GLIS1: variants seen among roughly 807,000 people sequenced by gnomAD.
GLIS1 encodes the protein zinc finger protein GLIS1.
GLIS1 carries 24 observed loss-of-function variants against 63.8 expected under a neutral mutation model. The ratio of observed to expected loss-of-function variants is 0.38; its 90% CI spans 0.27 to 0.53. The LOEUF (loss-of-function observed/expected upper bound fraction) is 0.53. Among genes scored for constraint, GLIS1 ranks in the 20% least tolerant of loss-of-function variants. GLIS1 has a pLI of 0.85. For missense variants in GLIS1, 1,036 were observed against 1,074.1 expected, an observed-to-expected ratio of 0.96 and a Z score of 0.50; for synonymous variants, 450 against 482.5, an observed-to-expected ratio of 0.93 and a Z score of 0.88.
rs1410653337 is a variant in GLIS1, at chr1:53,562,799, G to A, written c.1320+31309C>T. On this transcript the variant is annotated intron_variant, in intron 4 of 10. Coordinates refer to ENST00000628545, the MANE Select transcript of GLIS1 (RefSeq NM_001367484.1). ...ACAGAGCCAGATCTGCGGGAGACAC[G>A]AATGAAATGATGCATGCAAAGCACT... 2.6e-5 allele frequency among the ~76,000 whole-genome samples: 4 copies of A among 152,182 alleles called. No individual in the cohort carries two copies. The East Asian group carries it at 5.8e-4, about 22-fold the overall frequency.
At chr1:53,550,781 G>T in intron 4 of GLIS1, among the ~76,000 whole-genome samples, 1 of 152,122 alleles carries the variant, frequency 6.6e-6, no homozygotes, top group East Asian at 1.9e-4. Flanking sequence ...GAGAAGTGAG[G>T]TGCTTCATCC....
chr1:53,716,702 C>A lies in GLIS1; in HGVS notation c.259+21104G>T, dbSNP rs1646701827. Among the ~76,000 whole-genome samples, 6 of 151,770 alleles carry A rather than the reference C, an allele frequency of 4.0e-5. No homozygotes were observed. In the South Asian group the frequency reaches 1.2e-3, roughly 32 times the overall value. ...TCAAAGAAACCCTCCAAAAACAGATCAAAAAGACAAAGAGCTAGGTATTAT... is the reference window on the plus strand; with the variant it reads ...TCAAAGAAACCCTCCAAAAACAGATAAAAAAGACAAAGAGCTAGGTATTAT... On this transcript the variant is annotated intron_variant, in intron 2 of 10. Coordinates refer to ENST00000628545, the MANE Select transcript of GLIS1 (RefSeq NM_001367484.1).
chr1:53,733,622 A>C (rs1646885633), intron 2 of GLIS1, among the ~76,000 whole-genome samples: 1 of 152,222 alleles, frequency 6.6e-6, no homozygotes, highest in African/African-American at 2.4e-5. Flanking sequence ...TATTTCCGCT[A>C]CATGTCTATA....
intron 4 of GLIS1, among the ~76,000 whole-genome samples, chr1:53,592,562 G>A (rs1220423464): frequency 6.6e-6 from 1 of 152,230 alleles, no homozygotes; most frequent in Non-Finnish European, 1.5e-5. Flanking sequence ...CCTGCGCGCT[G>A]TCTATTGGTC....
At chr1:53,705,512 T>G (rs1302299357) in intron 2 of GLIS1, among the ~76,000 whole-genome samples, 1 of 152,212 alleles carries the variant, frequency 6.6e-6, no homozygotes, top group Non-Finnish European at 1.5e-5. Context: ...CTTCTGCTCC[T>G]ATAAAACAAC....
intron 2 of GLIS1, among the ~76,000 whole-genome samples, chr1:53,635,300 C>T (rs1645712226): frequency 6.6e-6 from 1 of 151,794 alleles, no homozygotes; most frequent in Non-Finnish European, 1.5e-5. Flanking sequence ...GTCCTCTGGC[C>T]ACATGTGAAA....
At chr1:53,668,216 T>C (rs1455169348) in intron 2 of GLIS1, among the ~76,000 whole-genome samples, 1 of 152,240 alleles carries the variant, frequency 6.6e-6, no homozygotes, top group Non-Finnish European at 1.5e-5. Flanking sequence ...ATATGATGCT[T>C]AGCAGCATCA....
At chr1:53,531,727 C>T (rs1387704954) in intron 4 of GLIS1, among the ~76,000 whole-genome samples, 1 of 152,230 alleles carries the variant, frequency 6.6e-6, no homozygotes, top group East Asian at 1.9e-4. Flanking sequence ...TGTGGCCACA[C>T]AGAGGAGATG....
At chr1:53,587,794 C>G (rs148895506) in intron 4 of GLIS1, among the ~76,000 whole-genome samples, 1 of 152,194 alleles carries the variant, frequency 6.6e-6, no homozygotes, top group Non-Finnish European at 1.5e-5. Context: ...CAGGACCCAG[C>G]CAGGGGGCAC....
At chr1:53,637,302 A>C (rs1464607744) in intron 2 of GLIS1, among the ~76,000 whole-genome samples, 2 of 152,200 alleles carry the variant, frequency 1.3e-5, no homozygotes, top group African/African-American at 4.8e-5. Flanking sequence ...AAACTGAGGA[A>C]TAAATGACAA....
rs753646453 is a variant in GLIS1 at position 53,729,324 on chromosome 1, G to A, written c.259+8482C>T. 5.3e-5 allele frequency among the ~76,000 whole-genome samples: 8 copies of A among 152,270 alleles called. No homozygotes were observed. In the East Asian group the frequency reaches 1.2e-3, roughly 22 times the overall value. On this transcript the variant is annotated intron_variant, in intron 2 of 10. Transcript: ENST00000628545. ...GGCCCAAAGAAGAGCCTGCCTCAAC[G>A]AGAAGCCCTAGCACAGAGATATTCT... is the stretch of plus-strand genomic sequence containing the variant.
intron 2 of GLIS1, among the ~76,000 whole-genome samples, chr1:53,703,163 T>C (rs1393482770): frequency 2.0e-5 from 3 of 152,250 alleles, no homozygotes; most frequent in Non-Finnish European, 4.4e-5. Flanking sequence ...GTTTGGTCTG[T>C]GTTTGGCACT....
At chr1:53,705,966 G>A (rs936005388) in intron 2 of GLIS1, among the ~76,000 whole-genome samples, 2 of 152,164 alleles carry the variant, frequency 1.3e-5, no homozygotes, top group South Asian at 2.1e-4. Flanking sequence ...ACCTCCCACC[G>A]AAGCAGCCTC....
chr1:53,689,962 TG>T (rs1248304503), intron 2 of GLIS1, among the ~76,000 whole-genome samples: 2 of 152,206 alleles, frequency 1.3e-5, no homozygotes, highest in Admixed American at 1.3e-4. Flanking sequence ...CCTTTCCCCT[TG>T]CTGTCAGGCC....
intron 2 of GLIS1, among the ~76,000 whole-genome samples, chr1:53,658,218 G>A (rs1385868167): frequency 6.6e-6 from 1 of 152,208 alleles, no homozygotes; most frequent in Non-Finnish European, 1.5e-5. Flanking sequence ...TAAAATCCAG[G>A]GCATTTATTG....
chr1:53,565,735 G>T (rs1394219011), intron 4 of GLIS1, among the ~76,000 whole-genome samples: 1 of 151,704 alleles, frequency 6.6e-6, no homozygotes, highest in Non-Finnish European at 1.5e-5. Context: ...TTTCCACAAA[G>T]ATAGTTTTAT....
chr1:53,676,194 C>A (rs116533044), intron 2 of GLIS1, among the ~76,000 whole-genome samples: 6,147 of 152,262 alleles, frequency 0.04, 174 homozygotes, highest in Non-Finnish European at 0.058. Flanking sequence ...ATTGGGGATA[C>A]CCCACCCCAC....
chr1:53,605,798 TG>T (rs892498131), intron 2 of GLIS1, among the ~76,000 whole-genome samples: 30 of 152,226 alleles, frequency 2.0e-4, no homozygotes, highest in African/African-American at 6.8e-4. Flanking sequence ...TCTAGACACC[TG>T]GGCCCCCCAG....
At chr1:53,509,431 G>C in intron 9 of GLIS1, 144 bp from the exon 10 acceptor site, 1 of 939,484 alleles carries the variant, frequency 1.1e-6, no homozygotes, top group Non-Finnish European at 1.6e-6. Context: ...GCCCAGGGCA[G>C]AGGAGGTGCA....
Sources: allele counts gnomAD v4.1 joint callset (sites outside exome capture counted in the v4.1 genomes callset), GRCh38; gene constraint gnomAD v4.1.1; transcripts MANE v1.5; gene names NCBI Gene and HGNC (gene_info 2026-07-23, HGNC 2026-07-21).